RTN3: variants seen among roughly 807,000 people sequenced by gnomAD.
RTN3 encodes reticulon 3, also known as reticulon-3.
RTN3 carries 49 observed loss-of-function variants against 77.8 expected under a neutral mutation model. The observed-to-expected ratio is 0.63, with a 90% CI of 0.50 to 0.80. The LOEUF (loss-of-function observed/expected upper bound fraction) is 0.80, where lower values mean the gene tolerates loss of function less well. Among genes scored for constraint, RTN3 ranks in the 30% least tolerant of loss-of-function variants. RTN3 has a pLI of 0.00. For synonymous variants in RTN3, 464 were observed against 446.9 expected (o/e 1.04, Z -0.48); for missense variants, 1,236 against 1,211.9 (o/e 1.02, Z -0.29).
chr11:63,753,156 A>G lies in RTN3; in HGVS notation c.2947+18A>G. The G allele has an allele frequency of 6.2e-7, 1 of 1,607,300 alleles. No individual in the cohort carries two copies. The highest frequency in any genetic ancestry group is 8.5e-7 in the Non-Finnish European group (1 of 1,173,798). ...AATTCTTGGTAAGGTGGCAAGGAGA[A>G]TGTGCCCATGCTCTTTGAAGTAGTT... On this transcript the variant is annotated intron_variant, in intron 6 of 8. Transcript: ENST00000377819.
At chr11:63,692,285 A>C (rs1416247940) in intron 1 of RTN3, among the ~76,000 whole-genome samples, 1 of 152,032 alleles carries the variant, frequency 6.6e-6, no homozygotes, top group Non-Finnish European at 1.5e-5. Flanking sequence ...GGCCTCCAAA[A>C]GTGCTGGGAT....
At chr11:63,734,395 C>T (rs1209895014) in intron 3 of RTN3, among the ~76,000 whole-genome samples, 1 of 150,782 alleles carries the variant, frequency 6.6e-6, no homozygotes, top group Non-Finnish European at 1.5e-5. Context: ...TGCAGTGAGC[C>T]GAGATCACAC....
At chr11:63,700,863 G>A (rs1418244344) in intron 1 of RTN3, among the ~76,000 whole-genome samples, 13 of 151,738 alleles carry the variant, frequency 8.6e-5, no homozygotes, top group African/African-American at 2.9e-4. Context: ...AGGCTGAGGC[G>A]TGCGGATCAC....
intron 1 of RTN3, among the ~76,000 whole-genome samples, 199 bp downstream of exon 1, chr11:63,681,977 G>T (rs1412224734): frequency 6.6e-6 from 1 of 152,290 alleles, no homozygotes; most frequent in Admixed American, 6.5e-5. Flanking sequence ...GAAATAGCGG[G>T]GTGTGAGGAA....
At chr11:63,715,005 G>T (rs141866231) in intron 2 of RTN3, among the ~76,000 whole-genome samples, 158 of 152,326 alleles carry the variant, frequency 1.0e-3, no homozygotes, top group Non-Finnish European at 1.8e-3. Context: ...ACCAGTTTGT[G>T]TCCTGCTAAA....
intron 1 of RTN3, among the ~76,000 whole-genome samples, chr11:63,688,042 C>G (rs1366440962): frequency 6.6e-6 from 1 of 152,120 alleles, no homozygotes; most frequent in African/African-American, 2.4e-5. Context: ...TGGCATGAAT[C>G]AATATGCTTA....
At chr11:63,729,877 C>T (rs1400417454) in intron 3 of RTN3, among the ~76,000 whole-genome samples, 3 of 151,494 alleles carry the variant, frequency 2.0e-5, no homozygotes, top group Admixed American at 2.0e-4. Flanking sequence ...CACTGTACCT[C>T]AACCTCCCAG....
chr11:63,721,142 C>G (rs2011761785), intron 3 of RTN3, 110 bp downstream of exon 3: 2 of 942,162 alleles, frequency 2.1e-6, no homozygotes, highest in Non-Finnish European at 3.1e-6. Flanking sequence ...GGCTAAAATA[C>G]AAAAACAATA....
intron 1 of RTN3, among the ~76,000 whole-genome samples, chr11:63,702,776 C>T (rs1455130383): frequency 4.0e-5 from 6 of 151,768 alleles, no homozygotes; most frequent in Non-Finnish European, 8.8e-5. Flanking sequence ...AACTCCGCCT[C>T]CTGGGTTCAC....
At chr11:63,732,439 C>T (rs551551922) in intron 3 of RTN3, among the ~76,000 whole-genome samples, 3 of 151,382 alleles carry the variant, frequency 2.0e-5, no homozygotes, top group South Asian at 2.1e-4. Flanking sequence ...CCTCCTAAAG[C>T]GCTGAGGTTA....
Position 63,719,888 on chromosome 11 carries a change from T to C in RTN3, c.1386T>C (p.Gly462=). The C allele has an allele frequency of 6.2e-7, 1 of 1,614,050 alleles. No homozygotes were observed. Among genetic ancestry groups the C allele is most frequent in the African/African-American group, 1.3e-5 (1 of 75,010 alleles). ...GSPPEKCDSL[G]SGVATVKVVL... is the part of the protein sequence containing the mutation. ...CACCTGAGAAATGTGACTCTTTGGGTTCTGGAGTGGCCACAGTGAAAGTGG... is the reference window on the plus strand; with the variant it reads ...CACCTGAGAAATGTGACTCTTTGGGCTCTGGAGTGGCCACAGTGAAAGTGG... Residue 462 remains glycine (G), a synonymous_variant, in exon 3 of 9, where the codon GGT becomes GGC. Coordinates refer to ENST00000377819, the MANE Select transcript of RTN3 (RefSeq NM_001265589.2).
chr11:63,749,221 G>GT (rs2013972237), intron 3 of RTN3, among the ~76,000 whole-genome samples: 1 of 152,198 alleles, frequency 6.6e-6, no homozygotes. Context: ...AAAGGCTGCA[G>GT]TGAGTAATGA....
At chr11:63,686,208 C>T (rs758910328) in intron 1 of RTN3, among the ~76,000 whole-genome samples, 2 of 152,112 alleles carry the variant, frequency 1.3e-5, no homozygotes, top group Non-Finnish European at 2.9e-5. Flanking sequence ...CGGTGGCTCA[C>T]GCCTGTAATC....
intron 3 of RTN3, chr11:63,747,039 C>T (rs758762498): frequency 2.2e-6 from 1 of 455,890 alleles, no homozygotes; most frequent in Admixed American, 2.4e-5. Flanking sequence ...GTTCCTCAGC[C>T]TTTCTCTTTC....
intron 1 of RTN3, among the ~76,000 whole-genome samples, chr11:63,687,056 A>G (rs972233669): frequency 5.3e-5 from 8 of 152,200 alleles, no homozygotes; most frequent in Admixed American, 1.3e-4. Flanking sequence ...TCAAATGTGA[A>G]TATGTAATTT....
chr11:63,695,335 G>T lies in RTN3; in HGVS notation c.143-9516G>T, dbSNP rs150001867. Among the ~76,000 whole-genome samples, 900 of 151,344 alleles carry T rather than the reference G, an allele frequency of 5.9e-3. 9 individuals are homozygous for T. Among genetic ancestry groups the T allele is most frequent in the African/African-American group, 0.021 (850 of 41,238 alleles). On this transcript the variant is annotated intron_variant, in intron 1 of 8. Transcript: ENST00000377819. ...GAAATTCCTGAGCTTCAACTAGTTGGTCTGTTTTTATAGTAGTTATGTTAG... is the reference window on the plus strand; with the variant it reads ...GAAATTCCTGAGCTTCAACTAGTTGTTCTGTTTTTATAGTAGTTATGTTAG...
intron 3 of RTN3, among the ~76,000 whole-genome samples, chr11:63,735,550 TTCTCTCTC>T (rs71468640): frequency 0.011 from 491 of 42,728 alleles, 6 homozygotes; most frequent in African/African-American, 0.028. Flanking sequence ...ATTCTAACAT[TTCTCTCTC>T]TCTCTCTCTC....
intron 3 of RTN3, among the ~76,000 whole-genome samples, chr11:63,723,917 C>T (rs1209998523): frequency 2.6e-5 from 4 of 152,196 alleles, no homozygotes; most frequent in African/African-American, 9.6e-5. Flanking sequence ...AAGCCTTTAT[C>T]ATATTATAGT....
chr11:63,740,119 A>T (rs930709272), intron 3 of RTN3, among the ~76,000 whole-genome samples: 8 of 152,184 alleles, frequency 5.3e-5, no homozygotes, highest in African/African-American at 1.9e-4. Context: ...GATGTATCAT[A>T]CTGCCTCTAT....
Sources: allele counts gnomAD v4.1 joint callset (sites outside exome capture counted in the v4.1 genomes callset), GRCh38; gene constraint gnomAD v4.1.1; transcripts MANE v1.5; gene names NCBI Gene and HGNC (gene_info 2026-07-23, HGNC 2026-07-21).